Variants in SUDS3 observed in about 807,000 individuals in gnomAD.
The protein encoded by SUDS3 is sin3 histone deacetylase corepressor complex component SDS3.
SUDS3 carries 23 observed loss-of-function variants against 53.5 expected under a neutral mutation model. The observed-to-expected ratio is 0.43, with a 90% CI of 0.31 to 0.61. SUDS3 has a LOEUF of 0.61. Among genes scored for constraint, SUDS3 ranks in the 20% least tolerant of loss-of-function variants. SUDS3 has a pLI of 0.10. For missense variants in SUDS3, 291 were observed against 405.9 expected (o/e 0.72, Z 2.43); for synonymous variants, 150 against 148.5 (o/e 1.01, Z -0.08).
intron 2 of SUDS3, among the ~76,000 whole-genome samples, chr12:118,382,402 C>T (rs1288274858): frequency 1.3e-5 from 2 of 151,698 alleles, no homozygotes; most frequent in South Asian, 2.1e-4. Flanking sequence ...TGTTTTGTTG[C>T]CTGGGCTGGA....
At chr12:118,392,845 C>T (rs949084939) in intron 6 of SUDS3, among the ~76,000 whole-genome samples, 10 of 152,186 alleles carry the variant, frequency 6.6e-5, no homozygotes, top group East Asian at 3.8e-4. Context: ...TGTGATTTGG[C>T]GTCCTAATTA....
chr12:118,378,232 C>T (rs2046020661), intron 1 of SUDS3, among the ~76,000 whole-genome samples: 2 of 152,166 alleles, frequency 1.3e-5, no homozygotes, highest in South Asian at 2.1e-4. Flanking sequence ...TGGCCTCCTC[C>T]TTGTTCCCTT....
At chr12:118,406,339 TG>T in intron 10 of SUDS3, among the ~76,000 whole-genome samples, 1 of 152,320 alleles carries the variant, frequency 6.6e-6, no homozygotes, top group Admixed American at 6.5e-5. Context: ...CCAGTAGAAT[TG>T]GGACTCCTTG....
At chr12:118,403,824 C>G (rs977599667) in intron 10 of SUDS3, among the ~76,000 whole-genome samples, 1 of 152,026 alleles carries the variant, frequency 6.6e-6, no homozygotes, top group South Asian at 2.1e-4. Flanking sequence ...GTATGTCCCC[C>G]CTCTGACCCC....
At chr12:118,395,215 G>GT (rs1566202836) in intron 6 of SUDS3, among the ~76,000 whole-genome samples, 4 of 134,520 alleles carry the variant, frequency 3.0e-5, no homozygotes, top group African/African-American at 1.2e-4. Context: ...GTGGAATCAG[G>GT]GTTTTTTTTT....
Position 118,410,641 on chromosome 12 carries a change from G to T in SUDS3, c.804-432G>T, listed in dbSNP as rs555246257. ...AGATGGAGTCTTGCTCTGTCGCCCA[G>T]GCTGGAGTGCAGTGGCGCCATCTCG... On this transcript the variant is annotated intron_variant, in intron 10 of 11. Transcript: ENST00000543473. 1.4e-4 allele frequency among the ~76,000 whole-genome samples: 21 copies of T among 151,586 alleles called. 1 individual carries two copies. Among genetic ancestry groups the T allele is most frequent in the South Asian group, 2.1e-4 (1 of 4,794 alleles).
At position 118,391,150 on chromosome 12, in the gene SUDS3, A is replaced by G. The variant is rs1169919465; in HGVS notation, c.385A>G (p.Ile129Val). Residue 129 changes from isoleucine (I) to valine (V), a missense_variant, in exon 6 of 12, where the codon ATT (isoleucine) becomes GTT (valine). Around this residue, in one of 4 missense-constraint regions of SUDS3, gnomAD observed 55 missense variants for 124.2 expected, o/e 0.44. Coordinates refer to ENST00000543473, the MANE Select transcript of SUDS3 (RefSeq NM_022491.3). ...LETEQVERNYIKEKKAAVKEF... is the reference protein window; with the variant it reads ...LETEQVERNYVKEKKAAVKEF... The stretch of plus-strand genomic sequence containing the variant: ...GACTGAACAAGTGGAACGAAATTAC[A>G]TTAAAGAAAAGAAGGCAGCAGTGAA... 3.7e-6 allele frequency: 6 copies of G among 1,613,492 alleles called. No homozygotes were observed. The highest frequency in any genetic ancestry group is 5.1e-6 in the Non-Finnish European group (6 of 1,179,828).
In SUDS3 at chr12:118,376,735, G is replaced by A; in HGVS notation, c.44G>A (p.Gly15Glu). The change falls in exon 1 of 12, where the codon GGA (glycine) becomes GAA (glutamate). Residue 15 changes from glycine to glutamate, a missense_variant. This residue lies in a region of SUDS3 where 149 missense variants were observed against 146.5 expected (regional missense o/e 1.02). Transcript: ENST00000543473. ...GLLAPAPAQA[G>E]APPAPEYYPE... ...CTGGCCCCGGCCCCGGCCCAGGCTGGAGCGCCGCCGGCCCCCGAGTACTAC... is the reference window on the plus strand; with the variant it reads ...CTGGCCCCGGCCCCGGCCCAGGCTGAAGCGCCGCCGGCCCCCGAGTACTAC... 6.5e-7 allele frequency: 1 copy of A among 1,534,850 alleles called. No homozygotes were observed. The highest frequency in any genetic ancestry group is 2.0e-5 in the Admixed American group (1 of 50,878).
At chr12:118,389,901 C>T (rs761318953) in intron 4 of SUDS3, 26 bp from the exon 5 acceptor site, 9 of 1,613,974 alleles carry the variant, frequency 5.6e-6, no homozygotes, top group Non-Finnish European at 4.2e-6. Flanking sequence ...CCTAGCAAAT[C>T]TAATTGCACT....
At chr12:118,401,942 A>G in intron 8 of SUDS3, 41 bp from the exon 9 acceptor site, 1 of 1,613,594 alleles carries the variant, frequency 6.2e-7, no homozygotes, top group South Asian at 1.1e-5. Context: ...TGCACCTGAA[A>G]TGATTTTCTC....
chr12:118,399,949 C>T (rs773597489), intron 6 of SUDS3, among the ~76,000 whole-genome samples: 1 of 151,980 alleles, frequency 6.6e-6, no homozygotes, highest in Non-Finnish European at 1.5e-5. Flanking sequence ...CAAAGATGAT[C>T]AGTATTCAGG....
chr12:118,393,628 G>C (rs61943399), intron 6 of SUDS3, among the ~76,000 whole-genome samples: 17,473 of 151,888 alleles, frequency 0.12, 1,268 homozygotes, highest in Middle Eastern at 0.19. Context: ...GGGCTTTGGA[G>C]TGGAGGCTGA....
intron 4 of SUDS3, among the ~76,000 whole-genome samples, chr12:118,388,960 C>T (rs1041782170): frequency 1.3e-5 from 2 of 152,156 alleles, no homozygotes. Context: ...ACCCTCCTGG[C>T]CAACATGGTG....
intron 3 of SUDS3, among the ~76,000 whole-genome samples, chr12:118,384,590 T>C (rs1306493784): frequency 1.3e-5 from 2 of 152,046 alleles, no homozygotes; most frequent in Non-Finnish European, 2.9e-5. Context: ...CCCAGCACTT[T>C]GCGAGGCCGA....
intron 10 of SUDS3, among the ~76,000 whole-genome samples, chr12:118,408,768 C>T (rs894278025): frequency 1.3e-5 from 2 of 151,770 alleles, no homozygotes; most frequent in Non-Finnish European, 2.9e-5. Flanking sequence ...CATGACCTTT[C>T]TTTATTAAAG....
At chr12:118,378,875 A>G (rs1171444608) in intron 1 of SUDS3, among the ~76,000 whole-genome samples, 1 of 151,992 alleles carries the variant, frequency 6.6e-6, no homozygotes, top group Admixed American at 6.5e-5. Flanking sequence ...TGGTTTCTCC[A>G]TGCTGGTCAG....
At chr12:118,400,823 T>A in intron 7 of SUDS3, 69 bp downstream of exon 7, 1 of 1,438,222 alleles carries the variant, frequency 7.0e-7, no homozygotes, top group Non-Finnish European at 9.8e-7. Flanking sequence ...TTTATCCGTT[T>A]GCTAGGGTAC....
intron 6 of SUDS3, among the ~76,000 whole-genome samples, chr12:118,399,772 C>T (rs545953391): frequency 6.6e-6 from 1 of 151,988 alleles, no homozygotes; most frequent in South Asian, 2.1e-4. Context: ...CCCTGAGATA[C>T]AGGAAAAGAA....
intron 5 of SUDS3, 67 bp downstream of exon 5, chr12:118,390,013 G>A (rs2046151528): frequency 6.3e-7 from 1 of 1,597,502 alleles, no homozygotes; most frequent in Admixed American, 1.7e-5. Flanking sequence ...GTCCTGATCT[G>A]GTGGCTTTTC....
Sources: gnomAD v4.1 joint callset for allele counts (sites outside exome capture counted in the v4.1 genomes callset) on GRCh38, gnomAD v4.1.1 for gene constraint, gnomAD v4.1.1 regional missense constraint, MANE v1.5 for transcripts, NCBI Gene and HGNC (gene_info 2026-07-23, HGNC 2026-07-21) for gene names.